HLTF: variants seen among roughly 807,000 people sequenced by gnomAD.
HLTF encodes the protein DNA-dependent ATPase/E3 ubiquitin-protein ligase HLTF.
HLTF carries 127 observed loss-of-function variants against 129.4 expected under a neutral mutation model. That is an observed-to-expected ratio of 0.98 (90% CI 0.85 to 1.14). The LOEUF is 1.14. Among genes scored for constraint, HLTF ranks in the 50% most tolerant of loss-of-function variants. HLTF has a pLI of 0.00. For missense variants in HLTF, 1,139 were observed against 1,187.1 expected (o/e 0.96, Z 0.60); for synonymous variants, 332 against 388.8 (o/e 0.85, Z 1.72).
chr3:149,047,148 C>A (rs917834201), intron 17 of HLTF, among the ~76,000 whole-genome samples: 1 of 152,024 alleles, frequency 6.6e-6, no homozygotes, highest in East Asian at 1.9e-4. Context: ...ATTTTATATC[C>A]CACTAATAGC....
Position 149,059,811 on chromosome 3 carries a change from A to G in HLTF, c.1286-4T>C. ...TCTATAACCTTAGAAGATCCTGCTG[A>G]TAAAACAACAAAGAATCTTAAATTT... is the stretch of plus-strand genomic sequence containing the variant. On this transcript the variant is annotated splice_region_variant and splice_polypyrimidine_tract_variant and intron_variant, in intron 12 of 24. Coordinates refer to ENST00000310053, the MANE Select transcript of HLTF (RefSeq NM_003071.4). The G allele has an allele frequency of 6.3e-7, 1 of 1,578,078 alleles. No homozygotes were observed. The highest frequency in any genetic ancestry group is 1.4e-5 in the African/African-American group (1 of 73,594).
Position 149,039,245 on chromosome 3 carries a change from A to G in HLTF, c.2616-16T>C. On this transcript the variant is annotated splice_polypyrimidine_tract_variant and intron_variant, in intron 22 of 24. Transcript: ENST00000310053. The stretch of plus-strand genomic sequence containing the variant: ...TCCAGAGGCTCTAAAGGGGGGAAGA[A>G]AAGAGACAAGTAACAAACACTATTA... 1 of 1,500,090 alleles carries G rather than the reference A, an allele frequency of 6.7e-7. No individual in the cohort carries two copies. Among genetic ancestry groups the G allele is most frequent in the Non-Finnish European group, 8.9e-7 (1 of 1,122,372 alleles). The allele number at this position is 1,500,090 out of a possible 1,614,324, so 92.9% of individuals were successfully genotyped here.
chr3:149,040,736 A>G (rs193109806), intron 20 of HLTF, among the ~76,000 whole-genome samples: 2 of 152,252 alleles, frequency 1.3e-5, no homozygotes, highest in African/African-American at 4.8e-5. Flanking sequence ...AAGTCAATAC[A>G]GTGGGGTTAC....
In HLTF at chr3:149,066,678, T is replaced by A. The variant is rs564302966; in HGVS notation, c.990+1562A>T. Among the ~76,000 whole-genome samples, 339 of 152,214 alleles carry A rather than the reference T, an allele frequency of 2.2e-3. 1 individual carries two copies. The highest frequency in any genetic ancestry group is 5.1e-3 in the Admixed American group (78 of 15,288). On this transcript the variant is annotated intron_variant, in intron 8 of 24. Transcript: ENST00000310053. ...TTATCTTGGGGAAAAATAAGAGAAA[T>A]CCTTATTGTTAATTGATAATTTCTC...
At chr3:149,034,027 A>C (rs947050322) in intron 24 of HLTF, among the ~76,000 whole-genome samples, 1 of 152,184 alleles carries the variant, frequency 6.6e-6, no homozygotes, top group Non-Finnish European at 1.5e-5. Flanking sequence ...TATTTGTACC[A>C]TAACTATGAG....
Position 149,074,315 on chromosome 3 carries a change from G to A in HLTF, c.429C>T (p.Thr143=). The change falls in exon 4 of 25, where the codon ACC becomes ACT. Residue 143 remains threonine (T), a synonymous_variant. Transcript: ENST00000310053. ...VVPFGANNAF[T]MPLHMTFWGK... ...CCCAAAAAGTCATATGCAGAGGCAT[G>A]GTAAAAGCATTGTTTGCACCAAAAG... is the stretch of plus-strand genomic sequence containing the variant. The A allele has an allele frequency of 6.2e-7, 1 of 1,612,898 alleles. No homozygotes were observed. Among genetic ancestry groups the A allele is most frequent in the South Asian group, 1.1e-5 (1 of 90,934 alleles).
chr3:149,061,292 TC>T (rs1236068330), intron 10 of HLTF, among the ~76,000 whole-genome samples: 1 of 151,862 alleles, frequency 6.6e-6, no homozygotes, highest in Non-Finnish European at 1.5e-5. Context: ...GTGCCTGTAG[TC>T]CCAGCTACTC....
intron 24 of HLTF, 21 bp from the exon 25 acceptor site, chr3:149,032,393 GT>G (rs1474155939): frequency 1.5e-5 from 20 of 1,351,088 alleles, no homozygotes; most frequent in Non-Finnish European, 2.0e-5. Flanking sequence ...AAAAAAAAAA[GT>G]TAAGTAGTTT....
At chr3:149,032,972 A>AC (rs1559850306) in intron 24 of HLTF, among the ~76,000 whole-genome samples, 1 of 141,990 alleles carries the variant, frequency 7.0e-6, no homozygotes, top group African/African-American at 2.7e-5. Context: ...AAAAAAAAAA[A>AC]AAAAACAAAA....
intron 15 of HLTF, among the ~76,000 whole-genome samples, chr3:149,049,329 C>T (rs12488819): frequency 0.34 from 51,252 of 151,986 alleles, 8,687 homozygotes; most frequent in African/African-American, 0.4. Flanking sequence ...AACTGTTCTA[C>T]CTCGGATTAA....
intron 1 of HLTF, 116 bp from the exon 2 acceptor site, chr3:149,085,005 G>A (rs1245842255): frequency 5.5e-6 from 4 of 723,916 alleles, no homozygotes; most frequent in Non-Finnish European, 4.6e-6. Context: ...GGGAATCACG[G>A]TAAAGATTAA....
chr3:149,060,513 G>C (rs879366012), intron 12 of HLTF, 130 bp downstream of exon 12: 2 of 701,828 alleles, frequency 2.8e-6, no homozygotes, highest in Non-Finnish European at 4.9e-6. Flanking sequence ...TCCATGAAGA[G>C]TTCAAATGTA....
intron 24 of HLTF, among the ~76,000 whole-genome samples, chr3:149,034,180 T>C (rs1576567320): frequency 6.6e-6 from 1 of 152,270 alleles, no homozygotes; most frequent in East Asian, 1.9e-4. Context: ...TTCATATAAA[T>C]CCTATTTTGA....
At chr3:149,047,782 CA>C (rs1716676085) in intron 17 of HLTF, among the ~76,000 whole-genome samples, 1 of 152,046 alleles carries the variant, frequency 6.6e-6, no homozygotes, top group South Asian at 2.1e-4. Context: ...TAGCAACACA[CA>C]AAAAACAGTT....
intron 8 of HLTF, among the ~76,000 whole-genome samples, chr3:149,065,760 G>C (rs1718320972): frequency 6.6e-6 from 1 of 152,072 alleles, no homozygotes; most frequent in South Asian, 2.1e-4. Context: ...AACTGAGGAG[G>C]TGGAGGTTGT....
chr3:149,085,416 G>C (rs1215331449), intron 1 of HLTF, among the ~76,000 whole-genome samples: 1 of 152,178 alleles, frequency 6.6e-6, no homozygotes, highest in Non-Finnish European at 1.5e-5. Context: ...TTGAACCCGG[G>C]AGGCGTAGGT....
intron 6 of HLTF, 21 bp downstream of exon 6, chr3:149,071,562 T>C (rs776582285): frequency 2.6e-6 from 4 of 1,541,578 alleles, no homozygotes; most frequent in Non-Finnish European, 3.6e-6. Flanking sequence ...TAGTCTTAAA[T>C]AAAAAATATT....
chr3:149,064,846 G>T lies in HLTF; in HGVS notation c.1011C>A (p.Asp337Glu). ...LLKKEYNVND[D>E]SMKLGGNNTS... ...TATTGTTTCCTCCAAGTTTCATAGA[G>T]TCATCGTTAACATTATATTCCTGGG... is the stretch of plus-strand genomic sequence containing the variant. The change falls in exon 9 of 25, where the codon GAC becomes GAA. Residue 337 changes from aspartate to glutamate, a missense_variant. Asp to Glu is a conservative substitution (Grantham distance 45). Coordinates refer to ENST00000310053, the MANE Select transcript of HLTF (RefSeq NM_003071.4). The T allele has an allele frequency of 6.3e-7, 1 of 1,595,146 alleles. No homozygotes were observed. Among genetic ancestry groups the T allele is most frequent in the Non-Finnish European group, 8.6e-7 (1 of 1,163,572 alleles).
chr3:149,053,302 A>G (rs1006614436), intron 14 of HLTF, among the ~76,000 whole-genome samples: 2 of 152,060 alleles, frequency 1.3e-5, no homozygotes, highest in Non-Finnish European at 2.9e-5. Context: ...ATAGCGGTGG[A>G]TCCCTCCTGA....
Sources: gnomAD v4.1 joint callset for allele counts (sites outside exome capture counted in the v4.1 genomes callset) on GRCh38, gnomAD v4.1.1 for gene constraint, MANE v1.5 for transcripts, NCBI Gene and HGNC (gene_info 2026-07-23, HGNC 2026-07-21) for gene names.